The following SLC8A1 variants were observed in gnomAD, a reference collection of about 807,000 sequenced individuals.
The protein encoded by SLC8A1 is solute carrier family 8 member A1, also known as sodium/calcium exchanger 1.
SLC8A1 carries 18 observed loss-of-function variants against 68.3 expected under a neutral mutation model. The ratio of observed to expected loss-of-function variants is 0.26; its 90% CI spans 0.18 to 0.39. The LOEUF (loss-of-function observed/expected upper bound fraction) is 0.39, where lower values mean the gene tolerates loss of function less well. Ranked by LOEUF, SLC8A1 falls within the 10% of genes least tolerant of loss-of-function variation. The probability of loss-of-function intolerance (pLI) is 1.00; values close to 1 mark genes in which losing one functional copy is unlikely to be tolerated. For synonymous variants in SLC8A1, 475 were observed against 415.5 expected, an observed-to-expected ratio of 1.14 and a Z score of -1.74; for missense variants, 985 against 1,156.7, an observed-to-expected ratio of 0.85 and a Z score of 2.15.
chr2:40,169,601 G>A (rs1009097107), intron 4 of SLC8A1, among the ~76,000 whole-genome samples: 5 of 152,088 alleles, frequency 3.3e-5, no homozygotes, highest in Admixed American at 6.5e-5. Flanking sequence ...ATGTTGCCTG[G>A]GGGCAGCAAG....
intron 1 of SLC8A1, among the ~76,000 whole-genome samples, chr2:40,438,539 A>G (rs970806513): frequency 2.6e-5 from 4 of 152,132 alleles, no homozygotes; most frequent in Admixed American, 6.5e-5. Context: ...TGTACTTACT[A>G]AATTTACAGT....
In SLC8A1 at chr2:40,313,226, C is replaced by G. The variant is rs554533394; in HGVS notation, c.1808+115247G>C. Among the ~76,000 whole-genome samples, 1,062 of 152,186 alleles carry G rather than the reference C, an allele frequency of 7.0e-3. 9 individuals are homozygous for G. Among genetic ancestry groups the G allele is most frequent in the Non-Finnish European group, 0.012 (810 of 67,998 alleles). On this transcript the variant is annotated intron_variant, in intron 2 of 7. Coordinates refer to ENST00000406785, the Ensembl canonical transcript of SLC8A1. ...GGGAAGGAGGAGAGTCAGGCTTTCA[C>G]TCAGCCTAATTATTTTAAGAGTCAT...
At chr2:40,391,173 G>A (rs1292036002) in intron 2 of SLC8A1, among the ~76,000 whole-genome samples, 2 of 44,010 alleles carry the variant, frequency 4.5e-5, no homozygotes, top group Non-Finnish European at 8.5e-5. Flanking sequence ...ATATGTAGAT[G>A]CGTGTGTGTA....
intron 2 of SLC8A1, among the ~76,000 whole-genome samples, chr2:40,352,681 G>T (rs888165041): frequency 6.6e-6 from 1 of 152,146 alleles, no homozygotes; most frequent in Non-Finnish European, 1.5e-5. Context: ...TCCAAGAGTC[G>T]GCCTACTCAG....
intron 1 of SLC8A1, among the ~76,000 whole-genome samples, chr2:40,478,440 A>G (rs569469810): frequency 6.6e-6 from 1 of 152,338 alleles, no homozygotes; most frequent in Admixed American, 6.5e-5. Flanking sequence ...TGCAATATGC[A>G]ATCATTTTTG....
intron 1 of SLC8A1, among the ~76,000 whole-genome samples, chr2:40,445,896 G>C (rs1451107718): frequency 6.6e-6 from 1 of 152,194 alleles, no homozygotes; most frequent in East Asian, 1.9e-4. Context: ...GCCACCCACA[G>C]TTGGGTCTCT....
intron 1 of SLC8A1, among the ~76,000 whole-genome samples, chr2:40,446,040 A>T (rs914507735): frequency 1.3e-5 from 2 of 152,208 alleles, no homozygotes; most frequent in African/African-American, 4.8e-5. Context: ...CCTGAGCTTT[A>T]AGGGAAAGCT....
intron 2 of SLC8A1, among the ~76,000 whole-genome samples, chr2:40,381,299 T>G (rs4952614): frequency 0.56 from 84,630 of 151,674 alleles, 24,919 homozygotes; most frequent in African/African-American, 0.74. Context: ...ACCCACATGC[T>G]TGGCTGAAAT....
At chr2:40,172,073 G>C (rs1163544852) in intron 4 of SLC8A1, among the ~76,000 whole-genome samples, 2 of 152,226 alleles carry the variant, frequency 1.3e-5, no homozygotes, top group African/African-American at 4.8e-5. Flanking sequence ...CCCAGGGCTA[G>C]ATTAATTCTT....
At chr2:40,511,442 A>C (rs1266671770) in intron 1 of SLC8A1, among the ~76,000 whole-genome samples, 2 of 152,204 alleles carry the variant, frequency 1.3e-5, no homozygotes, top group Non-Finnish European at 2.9e-5. Flanking sequence ...AATTAGCTGG[A>C]GTCGCATTTC....
intron 2 of SLC8A1, among the ~76,000 whole-genome samples, chr2:40,242,591 C>G (rs970921008): frequency 1.1e-4 from 16 of 152,196 alleles, no homozygotes; most frequent in Admixed American, 6.5e-5. Context: ...TGTCAAAGGT[C>G]TACAAATGTC....
intron 1 of SLC8A1, among the ~76,000 whole-genome samples, chr2:40,449,928 A>T (rs1702123092): frequency 6.6e-6 from 1 of 152,198 alleles, no homozygotes; most frequent in Admixed American, 6.5e-5. Flanking sequence ...TAAGGGGACA[A>T]AATCAGGGCT....
At chr2:40,420,168 A>T (rs1211024329) in intron 2 of SLC8A1, among the ~76,000 whole-genome samples, 1 of 152,132 alleles carries the variant, frequency 6.6e-6, no homozygotes, top group Non-Finnish European at 1.5e-5. Flanking sequence ...TTGGAATTCT[A>T]AGTTTTTTAT....
At chr2:40,445,193 CTAAG>C (rs149150077) in intron 1 of SLC8A1, among the ~76,000 whole-genome samples, 2,690 of 152,232 alleles carry the variant, frequency 0.018, 21 homozygotes, top group African/African-American at 0.028. Flanking sequence ...ACGGAAAAGG[CTAAG>C]TAATTAGCAC....
rs1703497179 is a variant in SLC8A1, at chr2:40,463,887, C to CATACACAT, written c.-24-33584_-24-33583insATGTGTAT. Among the ~76,000 whole-genome samples, 3 of 108,558 alleles carry CATACACAT rather than the reference C, an allele frequency of 2.8e-5. 1 individual carries two copies. Among genetic ancestry groups the CATACACAT allele is most frequent in the African/African-American group, 1.1e-4 (3 of 26,872 alleles). The allele number at this position is 108,558 out of a possible 152,430, so 71.2% of individuals were successfully genotyped here. The stretch of plus-strand genomic sequence containing the variant: ...ACACACACACACACACACACACACA[C>CATACACAT]ATATATATATAGAGAGAGAGACAGA... On this transcript the variant is annotated intron_variant, in intron 1 of 7. Transcript: ENST00000402441.
intron 2 of SLC8A1, among the ~76,000 whole-genome samples, chr2:40,361,748 G>A (rs999891513): frequency 5.9e-5 from 9 of 151,900 alleles, no homozygotes; most frequent in South Asian, 2.1e-4. Flanking sequence ...CACACGTATC[G>A]GGTAGGAAGG....
chr2:40,249,059 C>T lies in SLC8A1; in HGVS notation c.1809-71204G>A, dbSNP rs556203667. 6.2e-4 allele frequency among the ~76,000 whole-genome samples: 94 copies of T among 152,216 alleles called. 1 individual carries two copies. The highest frequency in any genetic ancestry group is 2.1e-3 in the African/African-American group (88 of 41,506). ...ATCAGCTTGCCAACTGTCCCTGGGT[C>T]CTTTGTGTCCTGCTGCAATATCTTC... is the stretch of plus-strand genomic sequence containing the variant. On this transcript the variant is annotated intron_variant, in intron 2 of 7. Coordinates refer to ENST00000406785, the Ensembl canonical transcript of SLC8A1.
At chr2:40,174,920 G>C in intron 3 of SLC8A1, 78 bp from the exon 5 acceptor site, 1 of 1,389,808 alleles carries the variant, frequency 7.2e-7, no homozygotes, top group Non-Finnish European at 1.0e-6. Flanking sequence ...CAGACTGCCT[G>C]ACAACCCACC....
intron 2 of SLC8A1, among the ~76,000 whole-genome samples, chr2:40,315,438 ATT>A (rs71406056): frequency 8.0e-5 from 11 of 138,356 alleles, no homozygotes; most frequent in East Asian, 2.1e-4. Context: ...TTTCCTAAGA[ATT>A]TTTTTTTTTT....
Sources: gnomAD v4.1 joint callset for allele counts (sites outside exome capture counted in the v4.1 genomes callset) on GRCh38, gnomAD v4.1.1 for gene constraint, MANE v1.5 for transcripts, NCBI Gene and HGNC (gene_info 2026-07-23, HGNC 2026-07-21) for gene names.